NBAS: variants seen among roughly 807,000 people sequenced by gnomAD.
NBAS encodes NBAS subunit of NRZ tethering complex.
A neutral mutation model predicts 302.5 loss-of-function variants in NBAS; 219 were observed. That is an observed-to-expected ratio of 0.72 (90% CI 0.65 to 0.81). NBAS has a LOEUF of 0.81. Ranked by LOEUF, NBAS falls within the 30% of genes least tolerant of loss-of-function variation. The pLI is 0.00. For missense variants in NBAS, 2,932 were observed against 2,841.6 expected, an observed-to-expected ratio of 1.03 and a Z score of -0.72; for synonymous variants, 1,118 against 1,021.6, an observed-to-expected ratio of 1.09 and a Z score of -1.80.
At chr2:15,415,465 T>C (rs927695156) in intron 25 of NBAS, 81 bp downstream of exon 25, 25 of 1,263,492 alleles carry the variant, frequency 2.0e-5, no homozygotes, top group Middle Eastern at 2.5e-4. Context: ...CTGCAAAGCC[T>C]ACCATAAAAA....
At chr2:15,406,773 A>G (rs1676436407) in intron 25 of NBAS, among the ~76,000 whole-genome samples, 1 of 152,246 alleles carries the variant, frequency 6.6e-6, no homozygotes, top group African/African-American at 2.4e-5. Context: ...GGTAATGCCT[A>G]TCTAACATAT....
intron 41 of NBAS, among the ~76,000 whole-genome samples, chr2:15,292,086 T>C (rs1199848294): frequency 2.0e-5 from 3 of 152,238 alleles, no homozygotes; most frequent in Non-Finnish European, 4.4e-5. Flanking sequence ...AGGATTCTCG[T>C]GCCTCAGCCT....
intron 27 of NBAS, among the ~76,000 whole-genome samples, chr2:15,396,139 T>C (rs1675853407): frequency 6.6e-6 from 1 of 152,262 alleles, no homozygotes; most frequent in Non-Finnish European, 1.5e-5. Context: ...TTAGATATTA[T>C]ACATAAGAAA....
chr2:14,844,700 C>G, the NBAS span, among the ~76,000 whole-genome samples: 9 of 152,142 alleles, frequency 5.9e-5, no homozygotes, highest in African/African-American at 1.4e-4. Flanking sequence ...CCAGACCAGG[C>G]AGCATTCACT....
intron 42 of NBAS, among the ~76,000 whole-genome samples, chr2:15,282,480 G>A (rs1034460839): frequency 6.6e-6 from 1 of 152,032 alleles, no homozygotes; most frequent in African/African-American, 2.4e-5. Context: ...TTGCATCTGG[G>A]ACCAAAATAA....
At chr2:15,245,264 T>A (rs1023083092) in intron 44 of NBAS, among the ~76,000 whole-genome samples, 1 of 152,096 alleles carries the variant, frequency 6.6e-6, no homozygotes, top group Non-Finnish European at 1.5e-5. Context: ...ATCCCCTCCC[T>A]GCCTTCACAC....
At chr2:15,288,191 T>C (rs568759868) in intron 41 of NBAS, among the ~76,000 whole-genome samples, 11 of 152,384 alleles carry the variant, frequency 7.2e-5, no homozygotes, top group East Asian at 3.9e-4. Context: ...CAAACTTCTA[T>C]GTTTTCTACC....
At chr2:15,345,395 C>T (rs533331501) in intron 35 of NBAS, among the ~76,000 whole-genome samples, 20 of 152,098 alleles carry the variant, frequency 1.3e-4, no homozygotes, top group Admixed American at 3.3e-4. Context: ...GAATAAACTT[C>T]CATTCATAAT....
At chr2:15,044,095 A>G in the NBAS span, among the ~76,000 whole-genome samples, 2 of 152,064 alleles carry the variant, frequency 1.3e-5, no homozygotes, top group Non-Finnish European at 2.9e-5. Context: ...TTTTACTAAT[A>G]AAGGGTTAGG....
chr2:15,283,784 G>T (rs1033459273), intron 42 of NBAS, among the ~76,000 whole-genome samples: 1 of 152,134 alleles, frequency 6.6e-6, no homozygotes, highest in African/African-American at 2.4e-5. Context: ...ACAGCGACTC[G>T]AAAGGATTAA....
intron 25 of NBAS, among the ~76,000 whole-genome samples, chr2:15,403,289 T>C (rs937324129): frequency 3.3e-5 from 5 of 152,218 alleles, no homozygotes; most frequent in African/African-American, 1.2e-4. Flanking sequence ...AAAGAAACTT[T>C]CAAGGTTACC....
intron 23 of NBAS, among the ~76,000 whole-genome samples, chr2:15,419,764 T>C (rs1002310832): frequency 6.6e-6 from 1 of 151,956 alleles, no homozygotes; most frequent in Non-Finnish European, 1.5e-5. Flanking sequence ...CAGGCTGGAG[T>C]GCAATGGTGC....
intron 29 of NBAS, 27 bp from the exon 30 acceptor site, chr2:15,379,858 G>A: frequency 6.3e-7 from 1 of 1,592,240 alleles, no homozygotes; most frequent in Non-Finnish European, 8.6e-7. Flanking sequence ...ACTGGAATTA[G>A]TTATAGAGAG....
the NBAS span, among the ~76,000 whole-genome samples, chr2:14,947,435 G>T: frequency 1.3e-5 from 2 of 151,948 alleles, no homozygotes; most frequent in Admixed American, 6.6e-5. Context: ...ATAAATTACT[G>T]GAAATATACA....
At chr2:14,908,221 G>C in the NBAS span, among the ~76,000 whole-genome samples, 1 of 152,158 alleles carries the variant, frequency 6.6e-6, no homozygotes, top group African/African-American at 2.4e-5. Flanking sequence ...AAATTAGCCG[G>C]GTGTGGTGGC....
chr2:15,103,030 AAGAGGGTCGGAGGGAGGGAGGGAG>A, the NBAS span, among the ~76,000 whole-genome samples: 20 of 100,426 alleles, frequency 2.0e-4, no homozygotes, highest in South Asian at 8.5e-4. Flanking sequence ...GAAGGAAGGA[AAGAGGGTCGGAGGGAGGGAGGGAG>A]GGAAGGAAGG....
At chr2:14,991,952 C>T in the NBAS span, among the ~76,000 whole-genome samples, 3,188 of 152,222 alleles carry the variant, frequency 0.021, 132 homozygotes, top group African/African-American at 0.074. Flanking sequence ...CGGTGCACAG[C>T]GCTCTGGAGG....
chr2:15,048,661 C>T, the NBAS span, among the ~76,000 whole-genome samples: 122 of 152,322 alleles, frequency 8.0e-4, no homozygotes, highest in East Asian at 0.011. Flanking sequence ...ACTGTCCTGA[C>T]CTGGGACTGG....
chr2:15,453,625 G>A (rs539158214), intron 21 of NBAS, among the ~76,000 whole-genome samples: 4 of 152,112 alleles, frequency 2.6e-5, no homozygotes, highest in South Asian at 2.1e-4. Context: ...TGGCAACACC[G>A]AAAACATATT....
Sources: allele counts gnomAD v4.1 joint callset (sites outside exome capture counted in the v4.1 genomes callset), GRCh38; gene constraint gnomAD v4.1.1; transcripts MANE v1.5; gene names NCBI Gene and HGNC (gene_info 2026-07-23, HGNC 2026-07-21).